CASR: variants seen among roughly 807,000 people sequenced by gnomAD.
CASR encodes the protein extracellular calcium-sensing receptor.
In CASR, 23 loss-of-function variants were observed where a neutral mutation model predicts 69.1. The observed-to-expected ratio is 0.33, with a 90% CI of 0.24 to 0.47. The LOEUF is 0.47. Ranked by LOEUF, CASR falls within the 20% of genes least tolerant of loss-of-function variation. The probability of loss-of-function intolerance (pLI) is 1.00; values close to 1 mark genes in which losing one functional copy is unlikely to be tolerated. For missense variants in CASR, 924 were observed against 1,356.1 expected (o/e 0.68, Z 5.00); for synonymous variants, 541 against 544.7 (o/e 0.99, Z 0.10).
chr3:122,229,270 A>G (rs763406702), intron 1 of CASR, among the ~76,000 whole-genome samples: 1 of 150,504 alleles, frequency 6.6e-6, no homozygotes, highest in African/African-American at 2.4e-5. Flanking sequence ...AAATCAGGCC[A>G]CTCTTCTTGT....
intron 1 of CASR, among the ~76,000 whole-genome samples, chr3:122,189,364 A>G (rs192533581): frequency 1.1e-3 from 170 of 152,368 alleles, no homozygotes; most frequent in Middle Eastern, 0.01. Context: ...GTGCTTAACT[A>G]GCTGATATCC....
chr3:122,233,956 G>C (rs2074303335), intron 1 of CASR, among the ~76,000 whole-genome samples: 1 of 152,210 alleles, frequency 6.6e-6, no homozygotes, highest in Non-Finnish European at 1.5e-5. Context: ...TGCCTCCTGA[G>C]TCAGATGATA....
intron 3 of CASR, among the ~76,000 whole-genome samples, chr3:122,259,130 T>C (rs763660084): frequency 5.3e-5 from 8 of 152,208 alleles, no homozygotes; most frequent in Non-Finnish European, 1.2e-4. Context: ...CACAAAATGG[T>C]ATTTACCCCA....
intron 1 of CASR, among the ~76,000 whole-genome samples, chr3:122,226,214 G>GGAT (rs2074221068): frequency 6.6e-6 from 1 of 152,092 alleles, no homozygotes; most frequent in African/African-American, 2.4e-5. Flanking sequence ...TCTGATGTTC[G>GGAT]GATGTGTTCG....
At chr3:122,235,675 T>C (rs2074322823) in intron 1 of CASR, among the ~76,000 whole-genome samples, 1 of 152,172 alleles carries the variant, frequency 6.6e-6, no homozygotes, top group Non-Finnish European at 1.5e-5. Flanking sequence ...CATGTTCCTA[T>C]AGTTTTAGTT....
intron 1 of CASR, among the ~76,000 whole-genome samples, chr3:122,234,095 A>G (rs1233861077): frequency 2.0e-5 from 3 of 152,224 alleles, no homozygotes. Context: ...CATCAGGCGC[A>G]TAACTGTTTC....
intron 1 of CASR, among the ~76,000 whole-genome samples, chr3:122,252,455 A>AAAGAAAGAAAG (rs879317403): frequency 2.3e-4 from 23 of 100,702 alleles, no homozygotes; most frequent in African/African-American, 8.9e-4. Flanking sequence ...GAAAAAAAAG[A>AAAGAAAGAAAG]AAAGAAAGAA....
intron 1 of CASR, chr3:122,245,501 G>A (rs1164235861): frequency 6.6e-6 from 1 of 152,146 alleles, no homozygotes; most frequent in African/African-American, 2.4e-5. Flanking sequence ...TAAAAGGATG[G>A]GGTGAGGAGA....
rs1576871916 is a variant in CASR at position 122,277,601 on chromosome 3, C to A, written c.1608+1559C>A. Among the ~76,000 whole-genome samples the A allele has an allele frequency of 2.0e-5, 3 of 152,234 alleles. No homozygotes were observed. In the South Asian group the frequency reaches 6.2e-4, roughly 32 times the overall value. ...TTTTCCAGATGGAGATTTGGGGGTT[C>A]CAGATGTTATATTCCTCTGTCCACT... On this transcript the variant is annotated intron_variant, in intron 5 of 6. Transcript: ENST00000639785.
intron 2 of CASR, among the ~76,000 whole-genome samples, chr3:122,256,740 C>G (rs2074558405): frequency 6.6e-6 from 1 of 152,208 alleles, no homozygotes; most frequent in Non-Finnish European, 1.5e-5. Context: ...GCCTCAGCCT[C>G]CCCTGTAGCT....
chr3:122,251,895 C>T (rs2074487937), intron 1 of CASR, among the ~76,000 whole-genome samples: 2 of 152,230 alleles, frequency 1.3e-5, no homozygotes, highest in African/African-American at 2.4e-5. Context: ...AGAGCCTGTG[C>T]TCCAAAGCAC....
chr3:122,274,587 T>C (rs529733437), intron 4 of CASR, among the ~76,000 whole-genome samples: 1 of 152,230 alleles, frequency 6.6e-6, no homozygotes, highest in South Asian at 2.1e-4. Flanking sequence ...GATTAGACGT[T>C]GGATTTTAAG....
chr3:122,225,705 C>G (rs992533166), intron 1 of CASR, among the ~76,000 whole-genome samples: 1 of 152,128 alleles, frequency 6.6e-6, no homozygotes, highest in Non-Finnish European at 1.5e-5. Flanking sequence ...TCATTTGACC[C>G]AGCAATCCCA....
intron 5 of CASR, among the ~76,000 whole-genome samples, chr3:122,280,811 C>A (rs757396291): frequency 3.3e-5 from 5 of 152,130 alleles, no homozygotes; most frequent in Non-Finnish European, 7.3e-5. Context: ...AGGGGAGACC[C>A]ATTAAATAGA....
At chr3:122,185,211 A>C (rs908616017) in intron 1 of CASR, among the ~76,000 whole-genome samples, 7 of 152,318 alleles carry the variant, frequency 4.6e-5, no homozygotes, top group African/African-American at 1.7e-4. Context: ...TCTACAGGCA[A>C]TGCGTGCACT....
chr3:122,268,609 C>G (rs752469882), intron 4 of CASR, among the ~76,000 whole-genome samples: 25 of 152,188 alleles, frequency 1.6e-4, no homozygotes, highest in Non-Finnish European at 3.1e-4. Context: ...CACAGCCAAC[C>G]AGGTTGGAGT....
At chr3:122,210,141 G>A (rs1232326816) in intron 1 of CASR, among the ~76,000 whole-genome samples, 1 of 152,100 alleles carries the variant, frequency 6.6e-6, no homozygotes, top group Admixed American at 6.5e-5. Flanking sequence ...ATACTGAATG[G>A]GCAGAAGTTG....
chr3:122,286,262 G>A lies in CASR; in HGVS notation c.*1071G>A, dbSNP rs1184117635. On this transcript the variant is annotated 3_prime_UTR_variant, in exon 7 of 7. Coordinates refer to ENST00000639785, the MANE Select transcript of CASR (RefSeq NM_000388.4). ...TACTGCCGGTCACCCAGGCTCTGGAGCCAGAGAGACAGACCGGGGTTCAAG... is the reference window on the plus strand; with the variant it reads ...TACTGCCGGTCACCCAGGCTCTGGAACCAGAGAGACAGACCGGGGTTCAAG... The A allele has an allele frequency of 1.3e-5, 2 of 152,206 alleles. No individual in the cohort carries two copies. The highest frequency in any genetic ancestry group is 6.5e-5 in the Admixed American group (1 of 15,284). The allele number at this position is 152,206 out of a possible 1,614,324, so 9.4% of individuals were successfully genotyped here.
At chr3:122,240,494 T>A (rs1043714957) in intron 1 of CASR, among the ~76,000 whole-genome samples, 6 of 152,218 alleles carry the variant, frequency 3.9e-5, no homozygotes, top group African/African-American at 1.4e-4. Flanking sequence ...ATAACAATTT[T>A]AAATATATAT....
Sources: allele counts gnomAD v4.1 joint callset (sites outside exome capture counted in the v4.1 genomes callset), GRCh38; gene constraint gnomAD v4.1.1; transcripts MANE v1.5; gene names NCBI Gene and HGNC (gene_info 2026-07-23, HGNC 2026-07-21).